Variants in NR2C2 observed in about 807,000 individuals in gnomAD.
NR2C2 encodes nuclear receptor subfamily 2 group C member 2.
NR2C2 carries 6 observed loss-of-function variants against 62.9 expected under a neutral mutation model. That is an observed-to-expected ratio of 0.10 (90% confidence interval 0.05 to 0.19). The LOEUF is 0.19. NR2C2 is among the 10% of genes least tolerant of loss of function. NR2C2 has a pLI of 1.00. For missense variants in NR2C2, 479 were observed against 762.7 expected (o/e 0.63, Z 4.38); for synonymous variants, 272 against 273.8 (o/e 0.99, Z 0.07).
At chr3:14,970,960 A>T (rs959970564) in intron 1 of NR2C2, among the ~76,000 whole-genome samples, 8 of 152,238 alleles carry the variant, frequency 5.3e-5, no homozygotes, top group Non-Finnish European at 7.3e-5. Flanking sequence ...GTTTTTCAGT[A>T]CAGTATTTAA....
chr3:15,029,943 GAGAAAGAAAAGAAA>G (rs2041934468), intron 8 of NR2C2, among the ~76,000 whole-genome samples: 1 of 151,858 alleles, frequency 6.6e-6, no homozygotes, highest in Non-Finnish European at 1.5e-5. Flanking sequence ...AAGGAAAAGA[GAGAAAGAAAAGAAA>G]AGAAAGAAAT....
rs1368175434 is a variant in NR2C2 at position 15,048,637 on chromosome 3, T to C, written c.*5629T>C. On this transcript the variant is annotated 3_prime_UTR_variant, in exon 14 of 14. Coordinates refer to ENST00000425241, the MANE Select transcript of NR2C2 (RefSeq NM_001291694.2). ...TTCTTTAGGAAAGTATAATCAATTA[T>C]TTTAATGACCATAGCATTCATGGAC... is the stretch of plus-strand genomic sequence containing the variant. The C allele has an allele frequency of 6.5e-6, 1 of 152,682 alleles. No individual in the cohort carries two copies. 9.5% of individuals were successfully genotyped at this position (152,682 alleles called of 1,614,324 possible).
At chr3:14,977,288 T>C (rs1489203232) in intron 1 of NR2C2, among the ~76,000 whole-genome samples, 1 of 152,202 alleles carries the variant, frequency 6.6e-6, no homozygotes, top group Non-Finnish European at 1.5e-5. Flanking sequence ...TAGGATTAAT[T>C]ATTGAACTCA....
At chr3:14,978,775 T>C (rs1395514077) in intron 1 of NR2C2, among the ~76,000 whole-genome samples, 2 of 152,218 alleles carry the variant, frequency 1.3e-5, no homozygotes. Context: ...CTCCTTCATA[T>C]GAAGATGTGT....
intron 5 of NR2C2, 65 bp downstream of exon 5, chr3:15,020,997 A>G (rs2041653765): frequency 6.8e-7 from 1 of 1,478,618 alleles, no homozygotes; most frequent in African/African-American, 1.4e-5. Flanking sequence ...GAGTCCATTA[A>G]ATAAGGTTTC....
chr3:14,986,537 G>A (rs967491846), intron 1 of NR2C2, among the ~76,000 whole-genome samples: 2 of 152,208 alleles, frequency 1.3e-5, no homozygotes, highest in African/African-American at 4.8e-5. Flanking sequence ...TTATGTGGAA[G>A]TGTTGTGCCA....
At chr3:15,030,523 C>G in intron 9 of NR2C2, 71 bp downstream of exon 9, 1 of 1,438,960 alleles carries the variant, frequency 6.9e-7, no homozygotes, top group Non-Finnish European at 9.2e-7. Flanking sequence ...AGCCGATCTG[C>G]AGTTTTAAAA....
At position 15,043,038 on chromosome 3, in the gene NR2C2, A is replaced by C; in HGVS notation, c.*30A>C. The stretch of plus-strand genomic sequence containing the variant: ...AACCACACACCTGCCAAGGAGCAAC[A>C]GAATCCTTCCAGGACCGTTCACATA... On this transcript the variant is annotated 3_prime_UTR_variant, in exon 14 of 14. Transcript: ENST00000425241. 1 of 1,608,288 alleles carries C rather than the reference A, an allele frequency of 6.2e-7. No individual in the cohort carries two copies. Among genetic ancestry groups the C allele is most frequent in the South Asian group, 1.1e-5 (1 of 90,526 alleles).
chr3:14,982,654 T>G (rs775342621), intron 1 of NR2C2, among the ~76,000 whole-genome samples: 3 of 152,196 alleles, frequency 2.0e-5, no homozygotes, highest in Non-Finnish European at 4.4e-5. Context: ...GTTTATAGAT[T>G]TTTTTAACAA....
chr3:14,951,364 A>G (rs115382634), intron 1 of NR2C2, among the ~76,000 whole-genome samples: 8 of 152,376 alleles, frequency 5.3e-5, no homozygotes, highest in Non-Finnish European at 1.2e-4. Context: ...TTTGTTAAGT[A>G]TACATCAAGT....
At chr3:15,008,474 A>G (rs1372682820) in intron 2 of NR2C2, among the ~76,000 whole-genome samples, 5 of 152,016 alleles carry the variant, frequency 3.3e-5, no homozygotes, top group Middle Eastern at 3.4e-3. Flanking sequence ...AAGAGCCAAC[A>G]TCGTGCTGCT....
intron 13 of NR2C2, among the ~76,000 whole-genome samples, chr3:15,042,179 TAC>T (rs796213624): frequency 6.6e-5 from 10 of 152,294 alleles, no homozygotes; most frequent in African/African-American, 1.7e-4. Context: ...ACACTTGAGA[TAC>T]ACAGTGTTCA....
At chr3:14,968,145 A>C (rs976574284) in intron 1 of NR2C2, among the ~76,000 whole-genome samples, 3 of 152,242 alleles carry the variant, frequency 2.0e-5, no homozygotes, top group African/African-American at 7.2e-5. Flanking sequence ...AATGGGATCT[A>C]ATTAAGCTAA....
At chr3:14,981,695 C>T (rs1169153051) in intron 1 of NR2C2, among the ~76,000 whole-genome samples, 1 of 151,646 alleles carries the variant, frequency 6.6e-6, no homozygotes, top group East Asian at 1.9e-4. Flanking sequence ...GCAAGGAAGT[C>T]AGTCCGAGTC....
chr3:15,033,077 C>T (rs1162933220), intron 10 of NR2C2, among the ~76,000 whole-genome samples: 1 of 152,098 alleles, frequency 6.6e-6, no homozygotes, highest in African/African-American at 2.4e-5. Flanking sequence ...CAGCTGCCAC[C>T]GTGCCATCAG....
chr3:15,004,662 T>C, intron 2 of NR2C2: 1 of 1,593,372 alleles, frequency 6.3e-7, no homozygotes, highest in Non-Finnish European at 8.6e-7. Context: ...AGGGATAATA[T>C]ATTGATGACA....
intron 6 of NR2C2, 148 bp downstream of exon 6, chr3:15,023,495 TCA>T: frequency 3.5e-6 from 3 of 857,850 alleles, no homozygotes; most frequent in Non-Finnish European, 5.4e-6. Context: ...CTGGAGCTGC[TCA>T]GTCACACCTC....
In NR2C2 at chr3:15,024,226, T is replaced by C. The variant is rs2041758762; in HGVS notation, c.798+18T>C. On this transcript the variant is annotated intron_variant, in intron 7 of 13. Coordinates refer to ENST00000425241, the MANE Select transcript of NR2C2 (RefSeq NM_001291694.2). ...ATTCTAAGGTGACGTTCTCTACTCA[T>C]GCTCTCTCTCATCCTTTATGTTGAC... 1.3e-6 allele frequency: 2 copies of C among 1,542,714 alleles called. No individual in the cohort carries two copies. The highest frequency in any genetic ancestry group is 2.3e-5 in the East Asian group (1 of 43,556).
At chr3:15,010,635 C>T (rs537223886) in intron 2 of NR2C2, among the ~76,000 whole-genome samples, 23 of 151,408 alleles carry the variant, frequency 1.5e-4, no homozygotes, top group African/African-American at 5.3e-4. Context: ...TTGCTTGAGC[C>T]TAGGAGGTCG....
Sources: gnomAD v4.1 joint callset for allele counts (sites outside exome capture counted in the v4.1 genomes callset) on GRCh38, gnomAD v4.1.1 for gene constraint, MANE v1.5 for transcripts, NCBI Gene and HGNC (gene_info 2026-07-23, HGNC 2026-07-21) for gene names.